Variants in PLXNA1 observed in about 807,000 individuals in gnomAD.
PLXNA1 encodes plexin A1.
Under a neutral mutation model 191.7 loss-of-function variants are expected in PLXNA1, and 77 were observed. That is an observed-to-expected ratio of 0.40 (90% CI 0.33 to 0.49). The LOEUF is 0.49. Among genes scored for constraint, PLXNA1 ranks in the 20% least tolerant of loss-of-function variants. The pLI is 0.63. For missense variants in PLXNA1, 2,110 were observed against 2,660.2 expected, an observed-to-expected ratio of 0.79 and a Z score of 4.55; for synonymous variants, 1,137 against 1,156.4, an observed-to-expected ratio of 0.98 and a Z score of 0.34.
chr3:127,000,498 G>A (rs2079035155), intron 3 of PLXNA1, among the ~76,000 whole-genome samples: 1 of 152,194 alleles, frequency 6.6e-6, no homozygotes, highest in African/African-American at 2.4e-5. Context: ...TGCCGTCTGT[G>A]CCCCTGTGCT....
At chr3:126,994,041 C>T (rs551332874) in intron 3 of PLXNA1, among the ~76,000 whole-genome samples, 40 of 152,286 alleles carry the variant, frequency 2.6e-4, no homozygotes, top group Admixed American at 1.2e-3. Flanking sequence ...CTGGCATGCT[C>T]GTGTGGCCTG....
At chr3:126,995,916 A>T (rs1230936521) in intron 3 of PLXNA1, among the ~76,000 whole-genome samples, 1 of 152,170 alleles carries the variant, frequency 6.6e-6, no homozygotes, top group East Asian at 1.9e-4. Flanking sequence ...CCGATGAGCC[A>T]TCACAGCATC....
At position 127,037,088 on chromosome 3, in the gene PLXNA1, G is replaced by A. The variant is rs2079247966; in HGVS notation, c.*3071G>A. 1 of 152,534 alleles carries A rather than the reference G, an allele frequency of 6.6e-6. No individual in the cohort carries two copies. The highest frequency in any genetic ancestry group is 6.5e-5 in the Admixed American group (1 of 15,288). The allele number at this position is 152,534 out of a possible 1,614,324, so 9.4% of individuals were successfully genotyped here. ...CTGGCTTTCTCCCTGTCTGGATTCA[G>A]TGGCTCACGTTGGTGCTACACAGCT... On this transcript the variant is annotated 3_prime_UTR_variant, in exon 32 of 32. Coordinates refer to ENST00000393409, the MANE Select transcript of PLXNA1 (RefSeq NM_032242.4).
Position 127,004,977 on chromosome 3 carries a change from G to T in PLXNA1, c.1712G>T (p.Arg571Leu), listed in dbSNP as rs763333526. 1.9e-6 allele frequency: 3 copies of T among 1,609,870 alleles called. No individual in the cohort carries two copies. The highest frequency in any genetic ancestry group is 1.3e-5 in the African/African-American group (1 of 74,866). The change falls in exon 6 of 32, where the codon CGC becomes CTC. Residue 571 changes from arginine (R) to leucine (L), a missense_variant. Transcript: ENST00000393409. Reference sequence around the variant, plus strand: ...TGTGTGCAGCTGACTGTGCAGCCCCGCAATGTGTCTGTCACCATGTCCCAG... The same window carrying T: ...TGTGTGCAGCTGACTGTGCAGCCCCTCAATGTGTCTGTCACCATGTCCCAG... ...LQCVQLTVQPRNVSVTMSQVP... is the reference protein window; with the variant it reads ...LQCVQLTVQPLNVSVTMSQVP...
chr3:127,007,049 T>C (rs1436461758), intron 8 of PLXNA1, among the ~76,000 whole-genome samples: 1 of 152,174 alleles, frequency 6.6e-6, no homozygotes, highest in African/African-American at 2.4e-5. Flanking sequence ...AGGCTTTTTA[T>C]TTCCAGGATG....
Position 127,022,154 on chromosome 3 carries a change from A to T in PLXNA1, c.4108A>T (p.Thr1370Ser). ...GCTGACCAAGAAGCACTTCCTGCTGACCTTCATCCGCACGCTGGAGGCACA... is the reference window on the plus strand; with the variant it reads ...GCTGACCAAGAAGCACTTCCTGCTGTCCTTCATCCGCACGCTGGAGGCACA... ...QLLTKKHFLL[T>S]FIRTLEAQRS... Residue 1370 changes from threonine to serine, a missense_variant, in exon 22 of 32, where the codon ACC (threonine) becomes TCC (serine). By Grantham distance (58) the Thr-to-Ser change is moderately conservative. Transcript: ENST00000393409. 1 of 1,613,222 alleles carries T rather than the reference A, an allele frequency of 6.2e-7. No homozygotes were observed. Among genetic ancestry groups the T allele is most frequent in the Non-Finnish European group, 8.5e-7 (1 of 1,179,974 alleles).
At chr3:127,012,688 C>G (rs892527103) in intron 10 of PLXNA1, among the ~76,000 whole-genome samples, 1 of 152,260 alleles carries the variant, frequency 6.6e-6, no homozygotes, top group Non-Finnish European at 1.5e-5. Context: ...TCCGAGCATG[C>G]GTAGACCTTC....
chr3:126,989,486 T>C lies in PLXNA1; in HGVS notation c.893T>C (p.Phe298Ser). 1.2e-6 allele frequency: 2 copies of C among 1,613,648 alleles called. No individual in the cohort carries two copies. The highest frequency in any genetic ancestry group is 1.7e-6 in the Non-Finnish European group (2 of 1,180,022). Reference protein sequence around the residue: ...DDPKFYSYVEFPIGCEQAGVE... With the variant: ...DDPKFYSYVESPIGCEQAGVE... ...CCCAAATTCTACTCGTACGTTGAGT[T>C]CCCCATTGGCTGCGAGCAGGCGGGT... The change falls in exon 2 of 32, where the codon TTC becomes TCC. Residue 298 changes from phenylalanine (F) to serine (S), a missense_variant. Physicochemically the swap from Phe to Ser is radical, Grantham distance 155. Around this residue, in one of 4 missense-constraint regions of PLXNA1, gnomAD observed 903 missense variants for 1,015.7 expected, o/e 0.89. Transcript: ENST00000393409.
rs1442259790 is a variant in PLXNA1 at position 126,989,744 on chromosome 3, C to A, written c.1151C>A (p.Ser384Tyr). 6.2e-7 allele frequency: 1 copy of A among 1,612,546 alleles called. No homozygotes were observed. ...TGCTACCGTGGTGAGGGCAAGCTCT[C>A]CCTGCCGTGGCTGCTCAACAAGGAG... The part of the protein sequence containing the change: ...QSCYRGEGKL[S>Y]LPWLLNKELG... The change falls in exon 2 of 32, where the codon TCC becomes TAC. Residue 384 changes from serine to tyrosine, a missense_variant. Physicochemically the swap from Ser to Tyr is moderately radical, Grantham distance 144. Coordinates refer to ENST00000393409, the MANE Select transcript of PLXNA1 (RefSeq NM_032242.4).
Position 127,028,076 on chromosome 3 carries a change from A to G in PLXNA1, c.4499A>G (p.Tyr1500Cys). The G allele has an allele frequency of 1.2e-6, 2 of 1,614,022 alleles. No individual in the cohort carries two copies. Among genetic ancestry groups the G allele is most frequent in the Non-Finnish European group, 1.7e-6 (2 of 1,179,992 alleles). The change falls in exon 24 of 32, where the codon TAC becomes TGC. Residue 1500 changes from tyrosine (Y) to cysteine (C), a missense_variant. Coordinates refer to ENST00000393409, the MANE Select transcript of PLXNA1 (RefSeq NM_032242.4). Reference sequence around the variant, plus strand: ...AAGCTCATCCGGCAGCAGATTGACTACAAGACACTGGTGAGCGTGGCTGCC... The same window carrying G: ...AAGCTCATCCGGCAGCAGATTGACTGCAAGACACTGGTGAGCGTGGCTGCC... The part of the protein sequence containing the change: ...EDKLIRQQID[Y>C]KTLTLNCVNP...
Position 127,004,890 on chromosome 3 carries a change from C to T in PLXNA1, c.1625C>T (p.Ser542Leu), listed in dbSNP as rs559370201. ...CGWCVLHSIC[S>L]RRDACERADE... Reference sequence around the variant, plus strand: ...CTCAACCCCTCTGCCTGCAGCTGCTCGCGGCGGGACGCCTGTGAGCGAGCA... The same window carrying T: ...CTCAACCCCTCTGCCTGCAGCTGCTTGCGGCGGGACGCCTGTGAGCGAGCA... Residue 542 changes from serine to leucine, a missense_variant, in exon 6 of 32, where the codon TCG (serine) becomes TTG (leucine). Around this residue, in one of 4 missense-constraint regions of PLXNA1, gnomAD observed 903 missense variants for 1,015.7 expected, o/e 0.89. Coordinates refer to ENST00000393409, the MANE Select transcript of PLXNA1 (RefSeq NM_032242.4). The T allele has an allele frequency of 1.4e-4, 230 of 1,591,428 alleles. 5 individuals are homozygous for T. The South Asian group carries it at 2.3e-3, about 16-fold the overall frequency.
At chr3:126,995,399 G>A (rs535136539) in intron 3 of PLXNA1, among the ~76,000 whole-genome samples, 2 of 152,354 alleles carry the variant, frequency 1.3e-5, no homozygotes, top group African/African-American at 4.8e-5. Context: ...GTACCCCCAT[G>A]GGAGGGGAGA....
intron 29 of PLXNA1, among the ~76,000 whole-genome samples, chr3:127,032,138 G>A (rs906030345): frequency 1.2e-4 from 19 of 152,248 alleles, no homozygotes; most frequent in African/African-American, 4.1e-4. Flanking sequence ...TTGTGCAAAC[G>A]AGTGCGTTTG....
At chr3:126,985,719 A>G (rs542232633) in intron 1 of PLXNA1, among the ~76,000 whole-genome samples, 9 of 152,188 alleles carry the variant, frequency 5.9e-5, no homozygotes, top group African/African-American at 2.2e-4. Context: ...CAAGCCTATG[A>G]GAGTTGAGCC....
In PLXNA1 at chr3:127,030,227, T is replaced by G; in HGVS notation, c.5062-16T>G. ...GCAGCGCCCTGGGGCTCAGTGTCCC[T>G]GCCTGCCCCCCGCAGGGCACACTGC... On this transcript the variant is annotated splice_polypyrimidine_tract_variant and intron_variant, in intron 28 of 31. Transcript: ENST00000393409. The G allele has an allele frequency of 6.2e-7, 1 of 1,611,364 alleles. No individual in the cohort carries two copies. Among genetic ancestry groups the G allele is most frequent in the Non-Finnish European group, 8.5e-7 (1 of 1,178,422 alleles).
chr3:127,013,690 G>A (rs1422903806), intron 10 of PLXNA1, among the ~76,000 whole-genome samples: 1 of 152,262 alleles, frequency 6.6e-6, no homozygotes, highest in African/African-American at 2.4e-5. Context: ...TCTAGGGCCA[G>A]CTGGGAGTCT....
intron 4 of PLXNA1, 64 bp downstream of exon 4, chr3:127,003,534 T>C: frequency 6.6e-7 from 1 of 1,525,284 alleles, no homozygotes. Flanking sequence ...GGAACCCCAG[T>C]CACAGAGCAG....
In PLXNA1 at chr3:127,034,281, A is replaced by T. The variant is rs966218587; in HGVS notation, c.*264A>T. 1 of 411,036 alleles carries T rather than the reference A, an allele frequency of 2.4e-6. No individual in the cohort carries two copies. Among genetic ancestry groups the T allele is most frequent in the Non-Finnish European group, 4.4e-6 (1 of 228,918 alleles). 25.5% of individuals were successfully genotyped at this position (411,036 alleles called of 1,614,324 possible). A position where few individuals can be genotyped will look rare whatever the true frequency, so the allele number is the denominator to read the frequency against. On this transcript the variant is annotated 3_prime_UTR_variant, in exon 32 of 32. Transcript: ENST00000393409. ...CACTGGGTGCTCAGGCTGGCCAAGG[A>T]CCTTCATTGCCTGGCAAGAGCTGCC...
chr3:127,020,457 G>A lies in PLXNA1; in HGVS notation c.4038+113G>A, dbSNP rs144162298. 486 of 1,316,680 alleles carry A rather than the reference G, an allele frequency of 3.7e-4. 3 individuals carry two copies. The East Asian group carries it at 0.011, about 31-fold the overall frequency. The allele number at this position is 1,316,680 out of a possible 1,614,324, so 81.6% of individuals were successfully genotyped here. A position where few individuals can be genotyped will look rare whatever the true frequency, so the allele number is the denominator to read the frequency against. On this transcript the variant is annotated intron_variant, in intron 21 of 31. Coordinates refer to ENST00000393409, the MANE Select transcript of PLXNA1 (RefSeq NM_032242.4). ...TATGGGGCAGCCTGTGTGGCCTGGG[G>A]GAGGGTCCAGGCCTGCAGGGCTCTG...
Sources: gnomAD v4.1 joint callset for allele counts (sites outside exome capture counted in the v4.1 genomes callset) on GRCh38, gnomAD v4.1.1 for gene constraint, gnomAD v4.1.1 regional missense constraint, MANE v1.5 for transcripts, NCBI Gene and HGNC (gene_info 2026-07-23, HGNC 2026-07-21) for gene names.